The following HADH variants were observed in gnomAD, a reference collection of about 807,000 sequenced individuals.
The protein encoded by HADH is hydroxyacyl-coenzyme A dehydrogenase, mitochondrial.
In HADH, 24 loss-of-function variants were observed where a neutral mutation model predicts 32.2. The observed-to-expected ratio is 0.75, with a 90% CI of 0.54 to 1.05. The LOEUF (loss-of-function observed/expected upper bound fraction) is 1.05, where lower values mean the gene tolerates loss of function less well. HADH is among the 50% of genes least tolerant of loss of function. The probability of loss-of-function intolerance (pLI) is 0.00; values close to 1 mark genes in which losing one functional copy is unlikely to be tolerated. For missense variants in HADH, 350 were observed against 397.1 expected (o/e 0.88, Z 1.01); for synonymous variants, 139 against 152.5 (o/e 0.91, Z 0.65).
chr4:108,008,474 G>C (rs1366238889), intron 1 of HADH, among the ~76,000 whole-genome samples: 1 of 152,172 alleles, frequency 6.6e-6, no homozygotes, highest in Non-Finnish European at 1.5e-5. Context: ...CTGTTCTTTG[G>C]AAATCTTGCC....
At chr4:108,025,570 A>G (rs550519711) in intron 5 of HADH, 39 of 152,376 alleles carry the variant, frequency 2.6e-4, no homozygotes, top group Non-Finnish European at 8.8e-5. Context: ...ATTTGATTAC[A>G]TAAAATAAAA....
intron 5 of HADH, 103 bp from the exon 6 acceptor site, chr4:108,027,585 G>A: frequency 1.3e-6 from 1 of 790,920 alleles, no homozygotes; most frequent in Non-Finnish European, 2.3e-6. Flanking sequence ...GATAAATGGG[G>A]GCAAACATGA....
chr4:108,030,839 C>G (rs1253450594), intron 6 of HADH: 3 of 152,188 alleles, frequency 2.0e-5, no homozygotes, highest in Non-Finnish European at 4.4e-5. Context: ...GCACACCAAT[C>G]TCTGTATTTT....
At chr4:108,033,064 AT>A (rs962855687) in intron 6 of HADH, 111 bp from the exon 7 acceptor site, 50 of 775,678 alleles carry the variant, frequency 6.4e-5, no homozygotes, top group Admixed American at 8.6e-5. Flanking sequence ...CAGTCTAGGC[AT>A]TTTTTTTATT....
chr4:108,019,912 G>T (rs1474453965), intron 4 of HADH, among the ~76,000 whole-genome samples: 1 of 152,222 alleles, frequency 6.6e-6, no homozygotes, highest in Non-Finnish European at 1.5e-5. Flanking sequence ...ATTTGTGCCA[G>T]AGCTGATGGG....
chr4:108,014,581 G>A lies in HADH; in HGVS notation c.412G>A (p.Ala138Thr), dbSNP rs767059882. The change falls in exon 3 of 8, where the codon GCT becomes ACT. Residue 138 changes from alanine to threonine, a missense_variant. Transcript: ENST00000309522. ...GCTCTTCAAAAGGCTGGACAAGTTTGCTGCTGAGTATGTAACCTCTGGACA... is the reference window on the plus strand; with the variant it reads ...GCTCTTCAAAAGGCTGGACAAGTTTACTGCTGAGTATGTAACCTCTGGACA... ...NELFKRLDKF[A>T]AEHTIFASNT... The A allele has an allele frequency of 1.2e-6, 2 of 1,612,880 alleles. No homozygotes were observed. The highest frequency in any genetic ancestry group is 1.7e-6 in the Non-Finnish European group (2 of 1,179,142).
chr4:108,003,183 C>A (rs1735173228), intron 1 of HADH, among the ~76,000 whole-genome samples: 1 of 129,598 alleles, frequency 7.7e-6, no homozygotes, highest in African/African-American at 2.9e-5. Flanking sequence ...AATTTATTTT[C>A]TCATAGTTCT....
chr4:107,999,601 G>T (rs1560723069), intron 1 of HADH, among the ~76,000 whole-genome samples: 1 of 152,144 alleles, frequency 6.6e-6, no homozygotes, highest in Admixed American at 6.5e-5. Flanking sequence ...GACTTCTTGA[G>T]AACTTATTTC....
chr4:107,992,339 G>C (rs1450720948), intron 1 of HADH, among the ~76,000 whole-genome samples: 1 of 152,218 alleles, frequency 6.6e-6, no homozygotes, highest in Non-Finnish European at 1.5e-5. Flanking sequence ...AAAAACCTCA[G>C]TTACTTTAGT....
chr4:107,990,859 C>A (rs558154017), intron 1 of HADH, among the ~76,000 whole-genome samples: 1 of 150,480 alleles, frequency 6.6e-6, no homozygotes. Context: ...AAGCGATTCT[C>A]CTGCCTCAGC....
At chr4:108,020,337 G>C (rs1265035168) in intron 4 of HADH, among the ~76,000 whole-genome samples, 1 of 152,158 alleles carries the variant, frequency 6.6e-6, no homozygotes, top group Non-Finnish European at 1.5e-5. Context: ...AGGGGTTTTG[G>C]TGCACGCATG....
At chr4:107,997,450 A>G (rs1734988198) in intron 1 of HADH, among the ~76,000 whole-genome samples, 1 of 152,100 alleles carries the variant, frequency 6.6e-6, no homozygotes, top group Non-Finnish European at 1.5e-5. Flanking sequence ...ATACATTTAC[A>G]AAGATAAATA....
At chr4:108,028,577 C>A (rs1279311247) in intron 6 of HADH, 1 of 321,600 alleles carries the variant, frequency 3.1e-6, no homozygotes, top group Admixed American at 4.9e-5. Flanking sequence ...TTTGCTTCCT[C>A]AAAATCTGCT....
Position 108,020,712 on chromosome 4 carries a change from G to A in HADH, c.546+1046G>A, listed in dbSNP as rs1735858209. ...GGTCTGAGGAGCAGCCGCTATTAAA[G>A]TAGCATTTGTTCTGAGGTTGAGGAG... On this transcript the variant is annotated intron_variant, in intron 4 of 7. Coordinates refer to ENST00000309522, the MANE Select transcript of HADH (RefSeq NM_005327.7). Among the ~76,000 whole-genome samples the A allele has an allele frequency of 2.0e-5, 3 of 152,132 alleles. No individual in the cohort carries two copies. The South Asian group carries it at 6.2e-4, about 32-fold the overall frequency.
At chr4:107,990,896 C>G (rs996046455) in intron 1 of HADH, among the ~76,000 whole-genome samples, 4 of 151,956 alleles carry the variant, frequency 2.6e-5, no homozygotes, top group African/African-American at 9.7e-5. Context: ...ATTACAGGCG[C>G]CCCGCCCGGC....
Position 107,990,013 on chromosome 4 carries a change from C to A in HADH, c.81C>A (p.Val27=). The change falls in exon 1 of 8, where the codon GTC becomes GTA. Residue 27 remains valine (V), a synonymous_variant. Transcript: ENST00000309522. ...CGGCCTCGGCCAAGAAGATAATCGTCAAGCACGTGACGGTCATCGGCGGCG... is the reference window on the plus strand; with the variant it reads ...CGGCCTCGGCCAAGAAGATAATCGTAAAGCACGTGACGGTCATCGGCGGCG... The part of the protein sequence containing the change: ...TASASAKKII[V]KHVTVIGGGL... The A allele has an allele frequency of 6.2e-7, 1 of 1,612,418 alleles. No individual in the cohort carries two copies. Among genetic ancestry groups the A allele is most frequent in the South Asian group, 1.1e-5 (1 of 90,782 alleles).
intron 1 of HADH, among the ~76,000 whole-genome samples, chr4:107,999,475 C>T (rs1468241581): frequency 6.6e-6 from 1 of 152,302 alleles, no homozygotes; most frequent in South Asian, 2.1e-4. Flanking sequence ...GCTATTAGCT[C>T]CTTTTTTTTC....
chr4:108,023,449 A>C (rs1735959524), intron 4 of HADH, 25 bp from the exon 5 acceptor site: 1 of 1,453,318 alleles, frequency 6.9e-7, no homozygotes, highest in African/African-American at 1.4e-5. Flanking sequence ...CACTCTGGTC[A>C]TAATTCTCTG....
At chr4:108,028,611 T>A (rs1214004940) in intron 6 of HADH, 2 of 373,248 alleles carry the variant, frequency 5.4e-6, no homozygotes, top group African/African-American at 4.2e-5. Flanking sequence ...CTTTTCTCTA[T>A]GGTTTATGGA....
Sources: allele counts gnomAD v4.1 joint callset (sites outside exome capture counted in the v4.1 genomes callset), GRCh38; gene constraint gnomAD v4.1.1; transcripts MANE v1.5; gene names NCBI Gene and HGNC (gene_info 2026-07-23, HGNC 2026-07-21).